RAB11FIP4: variants seen among roughly 807,000 people sequenced by gnomAD.
The protein encoded by RAB11FIP4 is RAB11 family interacting protein 4.
Under a neutral mutation model 74.3 loss-of-function variants are expected in RAB11FIP4, and 23 were observed. That is an observed-to-expected ratio of 0.31 (90% confidence interval 0.22 to 0.44). The LOEUF is 0.44. RAB11FIP4 is among the 20% of genes least tolerant of loss of function. The pLI is 1.00. For missense variants in RAB11FIP4, 630 were observed against 863.9 expected (o/e 0.73, Z 3.39); for synonymous variants, 360 against 359.9 (o/e 1.00, Z 0.00).
chr17:31,453,792 CAAAAAAAA>C (rs555119408), intron 3 of RAB11FIP4, among the ~76,000 whole-genome samples: 6 of 62,632 alleles, frequency 9.6e-5, no homozygotes, highest in Non-Finnish European at 1.4e-4. Context: ...AGACTCGTCT[CAAAAAAAA>C]AAAAAAAAAA....
At chr17:31,493,765 C>T (rs1393307587) in intron 3 of RAB11FIP4, among the ~76,000 whole-genome samples, 1 of 152,088 alleles carries the variant, frequency 6.6e-6, no homozygotes, top group Non-Finnish European at 1.5e-5. Context: ...TTTCACTTTC[C>T]CTGGCCTCAC....
Position 31,428,986 on chromosome 17 carries a change from T to C in RAB11FIP4, c.160-2827T>C, listed in dbSNP as rs2071280510. ...ATTATGATGATGATGATGATTATTA[T>C]TATTATTTGAGACGGAGTTTCACTC... On this transcript the variant is annotated intron_variant, in intron 1 of 14. Transcript: ENST00000621161. Among the ~76,000 whole-genome samples the C allele has an allele frequency of 2.0e-5, 3 of 152,044 alleles. No individual in the cohort carries two copies. In the South Asian group the frequency reaches 6.2e-4, roughly 32 times the overall value.
chr17:31,519,919 C>A (rs2072630704), intron 4 of RAB11FIP4, among the ~76,000 whole-genome samples: 1 of 151,598 alleles, frequency 6.6e-6, no homozygotes, highest in Non-Finnish European at 1.5e-5. Flanking sequence ...TTGAGACCAG[C>A]CTGGCCAACA....
intron 1 of RAB11FIP4, among the ~76,000 whole-genome samples, chr17:31,399,943 T>C (rs1300148396): frequency 6.7e-6 from 1 of 150,154 alleles, no homozygotes; most frequent in African/African-American, 2.5e-5. Context: ...CTCGGGAGGC[T>C]GAGGCAGGAG....
At chr17:31,518,886 G>A (rs958200201) in intron 4 of RAB11FIP4, among the ~76,000 whole-genome samples, 2 of 152,154 alleles carry the variant, frequency 1.3e-5, no homozygotes, top group South Asian at 4.2e-4. Context: ...AGGCTGGAGT[G>A]CAGTGGCATG....
chr17:31,494,336 G>A (rs1482920522), intron 3 of RAB11FIP4, among the ~76,000 whole-genome samples: 1 of 151,956 alleles, frequency 6.6e-6, no homozygotes, highest in Non-Finnish European at 1.5e-5. Context: ...GTGGTAAGAG[G>A]ATGAGGCTAG....
intron 3 of RAB11FIP4, among the ~76,000 whole-genome samples, chr17:31,505,783 G>A (rs1438849774): frequency 1.4e-5 from 2 of 141,722 alleles, no homozygotes; most frequent in Non-Finnish European, 3.0e-5. Flanking sequence ...ATAGCTCACT[G>A]TATCCTCGAA....
chr17:31,493,314 G>A (rs904135655), intron 3 of RAB11FIP4, among the ~76,000 whole-genome samples: 4 of 152,172 alleles, frequency 2.6e-5, no homozygotes, highest in South Asian at 4.1e-4. Context: ...CTCTTTTGAG[G>A]TACCAGAAAG....
intron 3 of RAB11FIP4, among the ~76,000 whole-genome samples, chr17:31,436,938 C>A (rs1351141415): frequency 6.6e-6 from 1 of 151,956 alleles, no homozygotes; most frequent in Admixed American, 6.6e-5. Context: ...CAGGTGCCCG[C>A]CACCATGCCC....
At chr17:31,486,699 T>C (rs2071906695) in intron 3 of RAB11FIP4, among the ~76,000 whole-genome samples, 1 of 152,220 alleles carries the variant, frequency 6.6e-6, no homozygotes. Context: ...AAGGCATACT[T>C]TCCGAGGAGA....
chr17:31,447,249 A>G (rs1410168302), intron 3 of RAB11FIP4, among the ~76,000 whole-genome samples: 1 of 152,168 alleles, frequency 6.6e-6, no homozygotes, highest in Non-Finnish European at 1.5e-5. Flanking sequence ...GTGCCACTGC[A>G]CTCCAACCTG....
intron 3 of RAB11FIP4, among the ~76,000 whole-genome samples, chr17:31,516,647 T>A (rs1333851386): frequency 6.6e-6 from 1 of 152,170 alleles, no homozygotes; most frequent in Non-Finnish European, 1.5e-5. Flanking sequence ...TTTTTGTATT[T>A]TTAGTAGAGA....
intron 9 of RAB11FIP4, 102 bp from the exon 10 acceptor site, chr17:31,524,988 C>A: frequency 7.1e-7 from 1 of 1,412,842 alleles, no homozygotes; most frequent in Non-Finnish European, 9.7e-7. Context: ...AGTGGACATG[C>A]CAGTGACTCA....
chr17:31,529,910 A>G (rs1027938990), intron 13 of RAB11FIP4, among the ~76,000 whole-genome samples: 7 of 152,296 alleles, frequency 4.6e-5, no homozygotes, highest in East Asian at 1.9e-4. Flanking sequence ...GTCAACTCCA[A>G]CCAAGCAGGA....
At chr17:31,437,036 C>T (rs2071365289) in intron 3 of RAB11FIP4, among the ~76,000 whole-genome samples, 1 of 152,048 alleles carries the variant, frequency 6.6e-6, no homozygotes, top group Admixed American at 6.6e-5. Context: ...ATGATCCACC[C>T]GCCTCGGCCT....
chr17:31,505,487 A>T (rs57216543), intron 3 of RAB11FIP4, among the ~76,000 whole-genome samples: 1 of 90,260 alleles, frequency 1.1e-5, no homozygotes, highest in African/African-American at 4.9e-5. Context: ...TATAATATAT[A>T]ATATATAATT....
chr17:31,459,673 A>AGAGG (rs148110075), intron 3 of RAB11FIP4, among the ~76,000 whole-genome samples: 6,602 of 151,694 alleles, frequency 0.044, 291 homozygotes, highest in African/African-American at 0.12. Flanking sequence ...TCCCTCTCCT[A>AGAGG]GAATTCCCTG....
chr17:31,414,090 T>C (rs1230598576), intron 1 of RAB11FIP4, among the ~76,000 whole-genome samples: 4 of 152,100 alleles, frequency 2.6e-5, no homozygotes, highest in Non-Finnish European at 5.9e-5. Flanking sequence ...TCCTAACACA[T>C]GATGAGGCAA....
intron 3 of RAB11FIP4, among the ~76,000 whole-genome samples, chr17:31,445,579 T>TATATATATATATA (rs71142054): frequency 4.8e-4 from 4 of 8,396 alleles, no homozygotes; most frequent in African/African-American, 6.8e-4. Context: ...TATATATATA[T>TATATATATATATA]TTTTTTTTTT....
Sources: gnomAD v4.1 joint callset for allele counts (sites outside exome capture counted in the v4.1 genomes callset) on GRCh38, gnomAD v4.1.1 for gene constraint, MANE v1.5 for transcripts, NCBI Gene and HGNC (gene_info 2026-07-23, HGNC 2026-07-21) for gene names.